The following ANK3 variants were observed in gnomAD, a reference collection of about 807,000 sequenced individuals.
ANK3 encodes the protein ankyrin 3.
In ANK3, 57 loss-of-function variants were observed where a neutral mutation model predicts 370.9. That is an observed-to-expected ratio of 0.15 (90% CI 0.12 to 0.19). The LOEUF (loss-of-function observed/expected upper bound fraction) is 0.19. Ranked by LOEUF, ANK3 falls within the 10% of genes least tolerant of loss-of-function variation. The pLI is 1.00. For synonymous variants in ANK3, 1,929 were observed against 1,946.3 expected (o/e 0.99, Z 0.23); for missense variants, 4,439 against 5,302.1 (o/e 0.84, Z 5.06).
At chr10:60,509,085 G>A (rs547673208) in intron 2 of ANK3, among the ~76,000 whole-genome samples, 16 of 152,190 alleles carry the variant, frequency 1.1e-4, no homozygotes, top group East Asian at 3.9e-4. Context: ...TAAAAAAGCC[G>A]TAAATAGAGC....
At chr10:60,704,537 C>T (rs1463720647) in intron 1 of ANK3, among the ~76,000 whole-genome samples, 1 of 151,844 alleles carries the variant, frequency 6.6e-6, no homozygotes, top group Non-Finnish European at 1.5e-5. Context: ...AAAAAAATAA[C>T]CCCAGGAAAA....
intron 2 of ANK3, among the ~76,000 whole-genome samples, chr10:60,443,351 G>A (rs2064349117): frequency 1.3e-5 from 2 of 151,950 alleles, no homozygotes; most frequent in Non-Finnish European, 2.9e-5. Context: ...GTGGGCTGAG[G>A]ATGGATCACT....
At chr10:60,441,321 C>T (rs1321954042) in intron 2 of ANK3, among the ~76,000 whole-genome samples, 1 of 152,084 alleles carries the variant, frequency 6.6e-6, no homozygotes, top group African/African-American at 2.4e-5. Context: ...ATTTAGAAAT[C>T]TAGGATTGTT....
chr10:60,234,414 G>A lies in ANK3; in HGVS notation c.897+274C>T, dbSNP rs373237931. ...TTGCAGTTTTAGTATCAAACTGACC[G>A]AACAGCTTAGCTTACAGTGTCTTGA... On this transcript the variant is annotated intron_variant, in intron 8 of 43. Coordinates refer to ENST00000280772, the MANE Select transcript of ANK3 (RefSeq NM_020987.5). Among the ~76,000 whole-genome samples, 11 of 152,244 alleles carry A rather than the reference G, an allele frequency of 7.2e-5. No individual in the cohort carries two copies. The South Asian group carries it at 8.3e-4, about 11-fold the overall frequency.
intron 2 of ANK3, among the ~76,000 whole-genome samples, chr10:60,532,919 G>A (rs532677326): frequency 6.6e-6 from 1 of 152,032 alleles, no homozygotes; most frequent in Non-Finnish European, 1.5e-5. Flanking sequence ...GTGGCTGAAT[G>A]TTTAACAAGT....
chr10:60,181,484 C>G, intron 17 of ANK3, 57 bp from the exon 18 acceptor site: 1 of 1,484,880 alleles, frequency 6.7e-7, no homozygotes, highest in Non-Finnish European at 9.4e-7. Context: ...ACACACATAG[C>G]CATGTTTGAG....
At chr10:60,297,615 C>T (rs985686820) in intron 1 of ANK3, among the ~76,000 whole-genome samples, 3 of 151,920 alleles carry the variant, frequency 2.0e-5, no homozygotes, top group Non-Finnish European at 4.4e-5. Flanking sequence ...ATTTACTTTG[C>T]GACTAAAAAT....
In ANK3 at chr10:60,307,231, A is replaced by G. The variant is rs189084918; in HGVS notation, c.115-27592T>C. ...GCAGTTGTCAGAGACTGTTTGGCCAACAAAACCTAAAATATTACTCACCTT... is the reference window on the plus strand; with the variant it reads ...GCAGTTGTCAGAGACTGTTTGGCCAGCAAAACCTAAAATATTACTCACCTT... On this transcript the variant is annotated intron_variant, in intron 1 of 43. Transcript: ENST00000280772. Among the ~76,000 whole-genome samples the G allele has an allele frequency of 4.5e-4, 69 of 152,338 alleles. 1 individual carries two copies. Among genetic ancestry groups the G allele is most frequent in the Admixed American group, 1.1e-3 (17 of 15,304 alleles).
Position 60,069,742 on chromosome 10 carries a change from T to C in ANK3, c.11139A>G (p.Lys3713=). 1 of 1,613,922 alleles carries C rather than the reference T, an allele frequency of 6.2e-7. No individual in the cohort carries two copies. Among genetic ancestry groups the C allele is most frequent in the Non-Finnish European group, 8.5e-7 (1 of 1,179,966 alleles). ...EKSAAATNTS[K]VDPKLRTPIK... is the part of the protein sequence containing the mutation. ...TAGGCGTGCGCAACTTGGGGTCAAC[T>C]TTAGAGGTGTTAGTGGCTGCTGCTG... is the stretch of plus-strand genomic sequence containing the variant. The change falls in exon 37 of 44, where the codon AAA becomes AAG. Residue 3713 remains lysine, a synonymous_variant. Coordinates refer to ENST00000280772, the MANE Select transcript of ANK3 (RefSeq NM_020987.5).
intron 25 of ANK3, among the ~76,000 whole-genome samples, chr10:60,129,445 T>C (rs2093946969): frequency 6.6e-6 from 1 of 152,086 alleles, no homozygotes; most frequent in African/African-American, 2.4e-5. Flanking sequence ...AACTGAGCAA[T>C]CGTCTTTTTA....
intron 1 of ANK3, among the ~76,000 whole-genome samples, chr10:60,370,836 G>T (rs2060009284): frequency 6.6e-6 from 1 of 152,088 alleles, no homozygotes; most frequent in Non-Finnish European, 1.5e-5. Flanking sequence ...GAAAACTCAA[G>T]CTAAACATCA....
chr10:60,180,017 G>A (rs1270320706), intron 18 of ANK3, among the ~76,000 whole-genome samples: 2 of 152,074 alleles, frequency 1.3e-5, no homozygotes, highest in Non-Finnish European at 2.9e-5. Flanking sequence ...CTCTCTGTGT[G>A]TGAATAAAGC....
At chr10:60,387,066 A>G (rs571962987) in intron 1 of ANK3, among the ~76,000 whole-genome samples, 20 of 152,190 alleles carry the variant, frequency 1.3e-4, no homozygotes, top group African/African-American at 4.3e-4. Context: ...AGGCTGAGGC[A>G]GGAGAATCAT....
intron 1 of ANK3, among the ~76,000 whole-genome samples, chr10:60,676,518 G>A (rs2079127691): frequency 6.6e-6 from 1 of 152,124 alleles, no homozygotes; most frequent in Non-Finnish European, 1.5e-5. Context: ...TCATTTCTGT[G>A]TTTCTAAAGC....
chr10:60,454,010 C>T (rs905979568), intron 2 of ANK3, among the ~76,000 whole-genome samples: 3 of 152,148 alleles, frequency 2.0e-5, no homozygotes, highest in African/African-American at 2.4e-5. Flanking sequence ...ATGAATCAAA[C>T]AGCTGGCATA....
At chr10:60,334,804 A>G (rs2052383502) in intron 1 of ANK3, among the ~76,000 whole-genome samples, 1 of 152,178 alleles carries the variant, frequency 6.6e-6, no homozygotes, top group Non-Finnish European at 1.5e-5. Context: ...AAAAATAATA[A>G]TCTAAACTTG....
upstream of ANK3, among the ~76,000 whole-genome samples, chr10:60,391,667 T>C (rs931842976): frequency 6.6e-6 from 1 of 152,236 alleles, no homozygotes; most frequent in African/African-American, 2.4e-5. Flanking sequence ...CTTTAAAATA[T>C]ATTTAGAAGT....
chr10:60,259,453 A>G (rs2097775522), intron 7 of ANK3, among the ~76,000 whole-genome samples: 1 of 152,232 alleles, frequency 6.6e-6, no homozygotes, highest in Non-Finnish European at 1.5e-5. Flanking sequence ...GAATTTTAAC[A>G]TATTTTAAAC....
intron 1 of ANK3, among the ~76,000 whole-genome samples, chr10:60,624,401 G>T (rs2078380129): frequency 6.6e-6 from 1 of 152,230 alleles, no homozygotes; most frequent in East Asian, 1.9e-4. Flanking sequence ...GTTGCTGGAA[G>T]AAGTGGCATC....
Sources: gnomAD v4.1 joint callset for allele counts (sites outside exome capture counted in the v4.1 genomes callset) on GRCh38, gnomAD v4.1.1 for gene constraint, MANE v1.5 for transcripts, NCBI Gene and HGNC (gene_info 2026-07-23, HGNC 2026-07-21) for gene names.